ITSN2: variants seen among roughly 807,000 people sequenced by gnomAD.
ITSN2 encodes the protein intersectin-2.
In ITSN2, 156 loss-of-function variants were observed where a neutral mutation model predicts 243.7. The ratio of observed to expected loss-of-function variants is 0.64; its 90% CI spans 0.56 to 0.73. The LOEUF is 0.73. ITSN2 is among the 30% of genes least tolerant of loss of function. ITSN2 has a pLI of 0.00. For missense variants in ITSN2, 1,801 were observed against 1,996.1 expected (o/e 0.90, Z 1.86); for synonymous variants, 703 against 699.9 (o/e 1.00, Z -0.07).
intron 15 of ITSN2, among the ~76,000 whole-genome samples, chr2:24,290,998 AT>A (rs1680173724): frequency 6.6e-6 from 1 of 152,180 alleles, no homozygotes; most frequent in Non-Finnish European, 1.5e-5. Flanking sequence ...CCCAAGTTTC[AT>A]TTTAAGAAAC....
upstream of ITSN2, among the ~76,000 whole-genome samples, chr2:24,360,884 C>CACAT (rs1303062410): frequency 3.3e-5 from 5 of 152,232 alleles, no homozygotes; most frequent in African/African-American, 1.2e-4. Flanking sequence ...CAGTGCCTGC[C>CACAT]ACATCCCTGT....
chr2:24,222,896 G>A (rs984643848), intron 29 of ITSN2, among the ~76,000 whole-genome samples: 5 of 152,088 alleles, frequency 3.3e-5, no homozygotes, highest in South Asian at 2.1e-4. Context: ...GGCTGGTCTC[G>A]AACTCCTGAT....
chr2:24,321,558 C>T (rs1684582419), intron 2 of ITSN2, among the ~76,000 whole-genome samples: 2 of 152,094 alleles, frequency 1.3e-5, no homozygotes, highest in Admixed American at 6.6e-5. Context: ...TACTGAAGAA[C>T]TAAGGACCTA....
intron 15 of ITSN2, among the ~76,000 whole-genome samples, chr2:24,290,105 C>T (rs988926860): frequency 5.3e-5 from 8 of 152,036 alleles, no homozygotes; most frequent in Non-Finnish European, 1.0e-4. Flanking sequence ...GTCTTTCATT[C>T]TGTTAATGCA....
intron 29 of ITSN2, among the ~76,000 whole-genome samples, chr2:24,233,181 T>C (rs188010967): frequency 1.2e-4 from 18 of 152,326 alleles, no homozygotes; most frequent in Non-Finnish European, 4.4e-5. Flanking sequence ...TTTTTCTTAG[T>C]ATTACTGAAC....
intron 1 of ITSN2, among the ~76,000 whole-genome samples, chr2:24,337,279 A>ATGTG (rs761971519): frequency 0.057 from 5,587 of 97,660 alleles, 349 homozygotes; most frequent in Middle Eastern, 0.12. Context: ...GTCTATATGT[A>ATGTG]TGTATGTGTG....
rs761474199 is a variant in ITSN2 at position 24,249,141 on chromosome 2, G to A, written c.3121-259C>T. Among the ~76,000 whole-genome samples the A allele has an allele frequency of 7.2e-5, 11 of 152,102 alleles. No homozygotes were observed. The highest frequency in any genetic ancestry group is 2.1e-4 in the South Asian group (1 of 4,834). Reference sequence around the variant, plus strand: ...ACCATTGACTCAACAGGAAGAGCTCGTTTTCTGAAACCTAAATATTAAACA... The same window carrying A: ...ACCATTGACTCAACAGGAAGAGCTCATTTTCTGAAACCTAAATATTAAACA... On this transcript the variant is annotated intron_variant, in intron 25 of 39. Transcript: ENST00000355123. The surrounding 1 kb of genome is among the most constrained non-coding windows in gnomAD (Gnocchi z 4.4).
At chr2:24,360,102 A>T (rs1159094377) in intron 1 of ITSN2, among the ~76,000 whole-genome samples, 1 of 152,020 alleles carries the variant, frequency 6.6e-6, no homozygotes, top group Non-Finnish European at 1.5e-5. Context: ...CAGAGGAAGG[A>T]ACCCGGGGCC....
intron 1 of ITSN2, among the ~76,000 whole-genome samples, chr2:24,337,524 G>A (rs997045537): frequency 6.8e-6 from 1 of 148,004 alleles, no homozygotes; most frequent in Admixed American, 6.8e-5. Flanking sequence ...CTAATTTTTT[G>A]TATTTTTAGT....
intron 1 of ITSN2, among the ~76,000 whole-genome samples, chr2:24,331,432 G>T (rs1051030384): frequency 6.6e-6 from 1 of 151,900 alleles, no homozygotes; most frequent in Non-Finnish European, 1.5e-5. Context: ...GTTGTTTTTG[G>T]GGGAAGGGCC....
At chr2:24,238,968 A>T (rs921139973) in intron 29 of ITSN2, 6 of 152,304 alleles carry the variant, frequency 3.9e-5, no homozygotes, top group Non-Finnish European at 7.4e-5. Context: ...ACACTTGCAT[A>T]GTTATATTAC....
intron 10 of ITSN2, 77 bp from the exon 11 acceptor site, chr2:24,301,316 T>C: frequency 2.6e-6 from 2 of 760,344 alleles, no homozygotes; most frequent in Non-Finnish European, 4.4e-6. Context: ...CTACCAGTGA[T>C]TATGGCAATT....
At chr2:24,255,527 T>C (rs775481101) in intron 23 of ITSN2, among the ~76,000 whole-genome samples, 14 of 151,604 alleles carry the variant, frequency 9.2e-5, no homozygotes, top group Non-Finnish European at 1.6e-4. Context: ...ACTTGGGAGG[T>C]TGAAGCAGGA....
chr2:24,271,979 G>C (rs1186053204), intron 18 of ITSN2, 38 bp from the exon 19 acceptor site: 1 of 1,406,862 alleles, frequency 7.1e-7, no homozygotes, highest in Non-Finnish European at 9.5e-7. Context: ...TAATGTCCTA[G>C]AAATTTTTTA....
At chr2:24,261,969 TAGCA>T (rs1675949448) in intron 20 of ITSN2, among the ~76,000 whole-genome samples, 1 of 6,058 alleles carries the variant, frequency 1.7e-4, no homozygotes, top group African/African-American at 5.4e-4. Context: ...CAAAGACAAA[TAGCA>T]TTCATTATAT....
At chr2:24,308,905 G>A in intron 7 of ITSN2, 149 bp from the exon 8 acceptor site, 2 of 610,856 alleles carry the variant, frequency 3.3e-6, no homozygotes, top group South Asian at 1.5e-5. Flanking sequence ...GGACAGCGGG[G>A]CTCGGTGAGT....
intron 29 of ITSN2, among the ~76,000 whole-genome samples, chr2:24,230,692 C>T (rs996720192): frequency 6.6e-6 from 1 of 152,040 alleles, no homozygotes; most frequent in Non-Finnish European, 1.5e-5. Context: ...TGCTTGAACC[C>T]AGGAGGCAGA....
At chr2:24,309,285 C>T (rs562314831) in intron 7 of ITSN2, among the ~76,000 whole-genome samples, 2 of 152,308 alleles carry the variant, frequency 1.3e-5, no homozygotes, top group African/African-American at 4.8e-5. Context: ...CTCCACCTCC[C>T]GGGTTCAAGC....
At chr2:24,338,540 T>C (rs1397359255) in intron 1 of ITSN2, among the ~76,000 whole-genome samples, 1 of 152,238 alleles carries the variant, frequency 6.6e-6, no homozygotes, top group Admixed American at 6.5e-5. Context: ...GTTTGGTTCT[T>C]TTCATCGACA....
Sources: gnomAD v4.1 joint callset for allele counts (sites outside exome capture counted in the v4.1 genomes callset) on GRCh38, gnomAD v4.1.1 for gene constraint, Gnocchi (gnomAD v3.1) non-coding constraint, MANE v1.5 for transcripts, NCBI Gene and HGNC (gene_info 2026-07-23, HGNC 2026-07-21) for gene names.